The following DNAJC1 variants were observed in gnomAD, a reference collection of about 807,000 sequenced individuals.
The protein encoded by DNAJC1 is DnaJ heat shock protein family (Hsp40) member C1.
DNAJC1 carries 58 observed loss-of-function variants against 76.6 expected under a neutral mutation model. The observed-to-expected ratio is 0.76, with a 90% CI of 0.61 to 0.94. The LOEUF (loss-of-function observed/expected upper bound fraction) is 0.94. Among genes scored for constraint, DNAJC1 ranks in the 40% least tolerant of loss-of-function variants. DNAJC1 has a pLI of 0.00. For missense variants in DNAJC1, 689 were observed against 677.3 expected (o/e 1.02, Z -0.19); for synonymous variants, 258 against 267.9 (o/e 0.96, Z 0.36).
At chr10:21,840,606 T>G (rs1454544944) in intron 8 of DNAJC1, among the ~76,000 whole-genome samples, 3 of 152,058 alleles carry the variant, frequency 2.0e-5, no homozygotes, top group Non-Finnish European at 2.9e-5. Context: ...TAAAAGAGGA[T>G]ACAAACAAAT....
chr10:21,973,069 A>T (rs1178679284), intron 1 of DNAJC1, among the ~76,000 whole-genome samples: 1 of 152,150 alleles, frequency 6.6e-6, no homozygotes, highest in Non-Finnish European at 1.5e-5. Context: ...CAATAAATCC[A>T]GAAATGAAAT....
intron 6 of DNAJC1, among the ~76,000 whole-genome samples, chr10:21,915,734 T>C (rs1836942010): frequency 6.6e-6 from 1 of 151,680 alleles, no homozygotes; most frequent in South Asian, 2.1e-4. Context: ...GAGATATGAG[T>C]AAGAAATAAG....
chr10:21,892,372 C>T (rs1375972124), intron 7 of DNAJC1, among the ~76,000 whole-genome samples: 4 of 151,402 alleles, frequency 2.6e-5, no homozygotes, highest in Non-Finnish European at 5.9e-5. Context: ...CACACACACA[C>T]ACACACACAC....
chr10:21,981,475 A>G (rs766504726), intron 1 of DNAJC1, among the ~76,000 whole-genome samples: 1 of 152,176 alleles, frequency 6.6e-6, no homozygotes, highest in Non-Finnish European at 1.5e-5. Flanking sequence ...TGGGCCTTTA[A>G]GAATAGGTAA....
At chr10:21,960,085 C>A (rs1801275945) in intron 1 of DNAJC1, among the ~76,000 whole-genome samples, 1 of 152,144 alleles carries the variant, frequency 6.6e-6, no homozygotes, top group Non-Finnish European at 1.5e-5. Context: ...AACTTCAGCC[C>A]CTGCCTGGCA....
intron 8 of DNAJC1, among the ~76,000 whole-genome samples, chr10:21,881,497 T>C (rs182473383): frequency 5.3e-5 from 8 of 152,200 alleles, no homozygotes; most frequent in Admixed American, 5.2e-4. Flanking sequence ...GGGTTATTAA[T>C]TGACCTAATT....
chr10:21,904,664 T>C, intron 6 of DNAJC1, 52 bp from the exon 7 acceptor site: 1 of 1,156,780 alleles, frequency 8.6e-7, no homozygotes, highest in Non-Finnish European at 1.3e-6. Flanking sequence ...TGTGCTTCAA[T>C]AATATTTTCC....
intron 1 of DNAJC1, among the ~76,000 whole-genome samples, chr10:21,943,331 A>C (rs1337917527): frequency 6.6e-6 from 1 of 152,250 alleles, no homozygotes; most frequent in East Asian, 1.9e-4. Context: ...CAAGTAAAGT[A>C]GATAATTCCC....
intron 7 of DNAJC1, among the ~76,000 whole-genome samples, chr10:21,886,645 C>G (rs1836369677): frequency 6.6e-6 from 1 of 152,118 alleles, no homozygotes; most frequent in Non-Finnish European, 1.5e-5. Flanking sequence ...ATTCTTCAAC[C>G]CCAGGTAGCA....
intron 1 of DNAJC1, among the ~76,000 whole-genome samples, chr10:21,977,693 C>T (rs117216534): frequency 2.0e-4 from 30 of 152,200 alleles, no homozygotes; most frequent in Non-Finnish European, 2.6e-4. Flanking sequence ...CATCTTAACA[C>T]ATCCAATACA....
intron 1 of DNAJC1, among the ~76,000 whole-genome samples, chr10:21,954,376 G>A (rs1404169280): frequency 6.6e-6 from 1 of 152,048 alleles, no homozygotes; most frequent in Admixed American, 6.5e-5. Flanking sequence ...ATCAGAATAA[G>A]CATCTAACAC....
intron 8 of DNAJC1, among the ~76,000 whole-genome samples, chr10:21,861,390 C>T (rs969294333): frequency 6.6e-6 from 1 of 151,992 alleles, no homozygotes; most frequent in African/African-American, 2.4e-5. Context: ...AGACTTAACC[C>T]CCAAATGTCA....
rs958689687 is a variant in DNAJC1, at chr10:21,794,814, T to C, written c.1098+11166A>G. 7.2e-5 allele frequency among the ~76,000 whole-genome samples: 11 copies of C among 152,300 alleles called. No individual in the cohort carries two copies. The South Asian group carries it at 1.9e-3, about 26-fold the overall frequency. Reference sequence around the variant, plus strand: ...AGTGGGAGAACATATTTGCAAATCATATATTTGATGAAAGACTTGAGTCCA... The same window carrying C: ...AGTGGGAGAACATATTTGCAAATCACATATTTGATGAAAGACTTGAGTCCA... On this transcript the variant is annotated intron_variant, in intron 9 of 11. Transcript: ENST00000376980.
intron 1 of DNAJC1, among the ~76,000 whole-genome samples, chr10:22,002,918 G>A (rs1224075107): frequency 6.6e-6 from 1 of 152,020 alleles, no homozygotes; most frequent in Non-Finnish European, 1.5e-5. Flanking sequence ...CAGCTGGAGG[G>A]GGAAGGCTCT....
chr10:21,807,325 C>T (rs1338112980), intron 8 of DNAJC1, among the ~76,000 whole-genome samples: 1 of 152,176 alleles, frequency 6.6e-6, no homozygotes, highest in East Asian at 1.9e-4. Context: ...AAGCTTCTCC[C>T]TGACACTAAT....
intron 1 of DNAJC1, among the ~76,000 whole-genome samples, chr10:21,994,813 C>T (rs1160127108): frequency 6.6e-6 from 1 of 151,570 alleles, no homozygotes; most frequent in East Asian, 1.9e-4. Context: ...CAAAAAAACA[C>T]ACAAGAAGTC....
intron 8 of DNAJC1, among the ~76,000 whole-genome samples, chr10:21,869,813 T>C (rs1836072891): frequency 6.6e-6 from 1 of 152,102 alleles, no homozygotes; most frequent in South Asian, 2.1e-4. Context: ...TTCCTGGTTT[T>C]GACATTGTAC....
Position 21,865,070 on chromosome 10 carries a change from T to C in DNAJC1, c.978+17212A>G, listed in dbSNP as rs1196377011. 9.2e-5 allele frequency among the ~76,000 whole-genome samples: 14 copies of C among 152,108 alleles called. No individual in the cohort carries two copies. The East Asian group carries it at 2.7e-3, about 29-fold the overall frequency. The stretch of plus-strand genomic sequence containing the variant: ...AATTAAAGAGGGTGATGATAAAAAG[T>C]GTAGGCCAGGATGTGGAGCAATTGC... On this transcript the variant is annotated intron_variant, in intron 8 of 11. Transcript: ENST00000376980.
intron 9 of DNAJC1, among the ~76,000 whole-genome samples, chr10:21,791,298 T>C (rs1432522454): frequency 6.6e-6 from 1 of 152,168 alleles, no homozygotes; most frequent in Non-Finnish European, 1.5e-5. Flanking sequence ...AGTTGGGAAC[T>C]TTGACACCCC....
Sources: allele counts gnomAD v4.1 joint callset (sites outside exome capture counted in the v4.1 genomes callset), GRCh38; gene constraint gnomAD v4.1.1; transcripts MANE v1.5; gene names NCBI Gene and HGNC (gene_info 2026-07-23, HGNC 2026-07-21).